Variants in KLF12 observed in about 807,000 individuals in gnomAD.
KLF12 encodes Krueppel-like factor 12.
KLF12 carries 9 observed loss-of-function variants against 37.8 expected under a neutral mutation model. That is an observed-to-expected ratio of 0.24 (90% confidence interval 0.14 to 0.42). The LOEUF is 0.42. Among genes scored for constraint, KLF12 ranks in the 10% least tolerant of loss-of-function variants. KLF12 has a pLI of 1.00. For missense variants in KLF12, 411 were observed against 516.0 expected (o/e 0.80, Z 1.97); for synonymous variants, 208 against 202.1 (o/e 1.03, Z -0.25).
At chr13:73,812,900 A>G (rs1883017789) in intron 5 of KLF12, 1 of 349,820 alleles carries the variant, frequency 2.9e-6, no homozygotes, top group Non-Finnish European at 5.1e-6. Flanking sequence ...AGTTCAGGAG[A>G]AGGGTGCAGG....
intron 1 of KLF12, among the ~76,000 whole-genome samples, chr13:74,041,491 C>G (rs1188905905): frequency 1.3e-5 from 2 of 151,978 alleles, no homozygotes; most frequent in Non-Finnish European, 2.9e-5. Flanking sequence ...AAGATGCTGA[C>G]TTACTCTCAA....
intron 3 of KLF12, among the ~76,000 whole-genome samples, chr13:73,863,225 A>C (rs1886013115): frequency 6.6e-6 from 1 of 152,180 alleles, no homozygotes; most frequent in African/African-American, 2.4e-5. Flanking sequence ...TCCTGTGAAT[A>C]ACTGACAAGA....
the KLF12 span, among the ~76,000 whole-genome samples, chr13:74,172,639 G>C: frequency 6.6e-6 from 1 of 152,110 alleles, no homozygotes; most frequent in Non-Finnish European, 1.5e-5. Context: ...TCTTTTTGAT[G>C]AGTAGTGAAA....
At chr13:73,760,831 G>C (rs752513764) in intron 6 of KLF12, among the ~76,000 whole-genome samples, 2 of 152,274 alleles carry the variant, frequency 1.3e-5, no homozygotes, top group African/African-American at 4.8e-5. Flanking sequence ...GATAGAGCAA[G>C]AAGTGGAGAG....
chr13:73,943,306 CAACCA>C (rs1457534340), intron 3 of KLF12, among the ~76,000 whole-genome samples: 30 of 152,168 alleles, frequency 2.0e-4, no homozygotes, highest in Admixed American at 2.0e-3. Context: ...GCCAATGCTG[CAACCA>C]ATTATCCTGC....
chr13:73,894,959 T>G (rs1333287587), intron 3 of KLF12, among the ~76,000 whole-genome samples: 1 of 152,224 alleles, frequency 6.6e-6, no homozygotes, highest in Non-Finnish European at 1.5e-5. Context: ...CCTTCTTCTA[T>G]CTCTGTTTTC....
intron 1 of KLF12, among the ~76,000 whole-genome samples, chr13:74,095,790 G>A (rs1875948764): frequency 6.6e-6 from 1 of 152,194 alleles, no homozygotes; most frequent in South Asian, 2.1e-4. Flanking sequence ...CCTTCTTAGT[G>A]ATTTGGGTTA....
the KLF12 span, among the ~76,000 whole-genome samples, chr13:74,250,079 A>G: frequency 3.9e-5 from 6 of 152,210 alleles, no homozygotes; most frequent in African/African-American, 1.4e-4. Flanking sequence ...AAGAGGAGTG[A>G]GGAGTCATTA....
chr13:74,153,065 G>A, the KLF12 span, among the ~76,000 whole-genome samples: 1 of 152,028 alleles, frequency 6.6e-6, no homozygotes, highest in Non-Finnish European at 1.5e-5. Context: ...GCCTGTTACT[G>A]TTAACATATA....
At chr13:73,706,807 C>T (rs997183714) in intron 7 of KLF12, among the ~76,000 whole-genome samples, 1 of 152,212 alleles carries the variant, frequency 6.6e-6, no homozygotes, top group African/African-American at 2.4e-5. Flanking sequence ...GGACTCCTTG[C>T]TGTCTTCATT....
intron 2 of KLF12, among the ~76,000 whole-genome samples, chr13:73,958,042 C>T (rs371276315): frequency 2.0e-4 from 30 of 152,186 alleles, no homozygotes; most frequent in East Asian, 1.7e-3. Context: ...TTTGTTGCAC[C>T]GTCTATATCT....
At chr13:73,776,857 A>G (rs780977839) in intron 5 of KLF12, among the ~76,000 whole-genome samples, 1 of 152,208 alleles carries the variant, frequency 6.6e-6, no homozygotes, top group Non-Finnish European at 1.5e-5. Flanking sequence ...AAAATACATG[A>G]ACAGGAAGGA....
In KLF12 at chr13:73,794,652, C is replaced by G. The variant is rs75497007; in HGVS notation, c.806+18500G>C. Among the ~76,000 whole-genome samples the G allele has an allele frequency of 1.1e-3, 168 of 152,200 alleles. 1 individual carries two copies. In the East Asian group the frequency reaches 0.028, roughly 26 times the overall value. On this transcript the variant is annotated intron_variant, in intron 5 of 7. Transcript: ENST00000377669. Reference sequence around the variant, plus strand: ...TTTAAAGGATGACTTTGAAAGTAGCCTTAAGTTCCCCTTCTCCTGATGAAG... The same window carrying G: ...TTTAAAGGATGACTTTGAAAGTAGCGTTAAGTTCCCCTTCTCCTGATGAAG...
intron 3 of KLF12, among the ~76,000 whole-genome samples, chr13:73,928,782 G>A (rs368283749): frequency 4.6e-5 from 7 of 152,188 alleles, no homozygotes; most frequent in Non-Finnish European, 8.8e-5. Context: ...TTCTGACACT[G>A]AGAAGCTGGG....
At chr13:73,954,929 C>A (rs919752049) in intron 2 of KLF12, among the ~76,000 whole-genome samples, 2 of 152,190 alleles carry the variant, frequency 1.3e-5, no homozygotes, top group African/African-American at 4.8e-5. Context: ...TGTACACTTT[C>A]ATTATTGCAT....
chr13:74,000,861 T>C (rs975734274), intron 1 of KLF12, among the ~76,000 whole-genome samples: 2 of 152,228 alleles, frequency 1.3e-5, no homozygotes, highest in African/African-American at 2.4e-5. Flanking sequence ...TTTACATATA[T>C]TGTACTCAAT....
chr13:73,909,675 C>T (rs1888479242), intron 3 of KLF12, among the ~76,000 whole-genome samples: 1 of 152,132 alleles, frequency 6.6e-6, no homozygotes, highest in Admixed American at 6.5e-5. Context: ...GACAGCCATT[C>T]ATCAATCTAC....
intron 1 of KLF12, among the ~76,000 whole-genome samples, chr13:74,013,053 CT>C (rs780223868): frequency 9.2e-5 from 14 of 152,172 alleles, no homozygotes; most frequent in Admixed American, 3.9e-4. Context: ...TCTTCTATGT[CT>C]GTGGAAGGCC....
chr13:73,861,318 A>G (rs1885915222), intron 3 of KLF12, among the ~76,000 whole-genome samples: 1 of 152,220 alleles, frequency 6.6e-6, no homozygotes, highest in Admixed American at 6.5e-5. Flanking sequence ...GATTACCTGT[A>G]CCAGCAACCC....
Sources: gnomAD v4.1 joint callset for allele counts (sites outside exome capture counted in the v4.1 genomes callset) on GRCh38, gnomAD v4.1.1 for gene constraint, MANE v1.5 for transcripts, NCBI Gene and HGNC (gene_info 2026-07-23, HGNC 2026-07-21) for gene names.